SERPINB5: variants seen among roughly 807,000 people sequenced by gnomAD.
SERPINB5 encodes serpin family B member 5.
In SERPINB5, 27 loss-of-function variants were observed where a neutral mutation model predicts 32.2. The observed-to-expected ratio is 0.84, with a 90% CI of 0.62 to 1.16. The LOEUF (loss-of-function observed/expected upper bound fraction) is 1.16. Ranked by LOEUF, SERPINB5 falls within the 50% of genes most tolerant of loss-of-function variation. SERPINB5 has a pLI of 0.00. For missense variants in SERPINB5, 388 were observed against 436.3 expected, an observed-to-expected ratio of 0.89 and a Z score of 0.99; for synonymous variants, 154 against 157.4, an observed-to-expected ratio of 0.98 and a Z score of 0.16.
chr18:63,489,421 A>C lies in SERPINB5; in HGVS notation c.381A>C (p.Glu127Asp), dbSNP rs200364734. Reference sequence around the variant, plus strand: ...TTGACTTCAAAGATAAATTGGAAGAAACGAAAGGTCAGATCAACAACTCAA... The same window carrying C: ...TTGACTTCAAAGATAAATTGGAAGACACGAAAGGTCAGATCAACAACTCAA... ...ETVDFKDKLEETKGQINNSIK... is the reference protein window; with the variant it reads ...ETVDFKDKLEDTKGQINNSIK... The change falls in exon 4 of 7, where the codon GAA (glutamate) becomes GAC (aspartate). Residue 127 changes from glutamate to aspartate, a missense_variant. Glu to Asp is a conservative substitution (Grantham distance 45, BLOSUM62 2). Transcript: ENST00000382771. The C allele has an allele frequency of 6.2e-7, 1 of 1,613,442 alleles. No homozygotes were observed. Among genetic ancestry groups the C allele is most frequent in the African/African-American group, 1.3e-5 (1 of 75,026 alleles).
intron 5 of SERPINB5, among the ~76,000 whole-genome samples, chr18:63,495,773 A>G (rs1909434078): frequency 1.3e-5 from 2 of 152,238 alleles, no homozygotes; most frequent in African/African-American, 4.8e-5. Context: ...CAGAATTAAT[A>G]AAAGTTTGAA....
chr18:63,496,967 C>T (rs1344028694), intron 5 of SERPINB5: 2 of 478,270 alleles, frequency 4.2e-6, no homozygotes, highest in Non-Finnish European at 8.2e-6. Context: ...AGACCAAGGG[C>T]TAAAGTTGGG....
chr18:63,485,551 T>A (rs1917196879), intron 2 of SERPINB5: 1 of 152,192 alleles, frequency 6.6e-6, no homozygotes, highest in Non-Finnish European at 1.5e-5. Context: ...GAAGAGGAGA[T>A]GTATCTTGAC....
intron 4 of SERPINB5, among the ~76,000 whole-genome samples, chr18:63,492,106 A>G (rs759464487): frequency 1.3e-5 from 2 of 152,210 alleles, no homozygotes; most frequent in Non-Finnish European, 2.9e-5. Context: ...TAGGTGAATG[A>G]AAACCCTTTA....
chr18:63,497,809 G>T (rs531943701), intron 5 of SERPINB5, among the ~76,000 whole-genome samples: 1 of 152,212 alleles, frequency 6.6e-6, no homozygotes, highest in South Asian at 2.1e-4. Context: ...TTCCTCCCCA[G>T]TGGTAACCAT....
At position 63,489,484 on chromosome 18, in the gene SERPINB5, T is replaced by C. The variant is rs1917267445; in HGVS notation, c.424+20T>C. The C allele has an allele frequency of 2.1e-6, 3 of 1,402,208 alleles. No individual in the cohort carries two copies. The South Asian group carries it at 3.6e-5, about 17-fold the overall frequency. The allele number at this position is 1,402,208 out of a possible 1,614,324, so 86.9% of individuals were successfully genotyped here. On this transcript the variant is annotated intron_variant, in intron 4 of 6. Transcript: ENST00000382771. ...CAGATGGCAAGTACCCTTTAATTGT[T>C]CTGCTATCAATCACCAAGTAAACAG...
intron 2 of SERPINB5, chr18:63,485,591 C>CCA (rs1659747404): frequency 6.6e-6 from 1 of 152,208 alleles, no homozygotes. Context: ...CTGCGCAACT[C>CCA]CACTATCCCT....
rs557124029 is a variant in SERPINB5, at chr18:63,501,532, G to C, written c.736-1798G>C. Among the ~76,000 whole-genome samples the C allele has an allele frequency of 3.3e-5, 5 of 152,308 alleles. No homozygotes were observed. In the East Asian group the frequency reaches 9.6e-4, roughly 29 times the overall value. ...TGTGCATGTGTCTTTATAGCAGCAT[G>C]ATTTATAATCCTTTGAGTATACACC... On this transcript the variant is annotated intron_variant, in intron 6 of 6. Coordinates refer to ENST00000382771, the MANE Select transcript of SERPINB5 (RefSeq NM_002639.5).
chr18:63,490,655 C>G (rs903947693), intron 4 of SERPINB5: 8 of 152,154 alleles, frequency 5.3e-5, no homozygotes, highest in Non-Finnish European at 8.8e-5. Flanking sequence ...TCTAACAGGA[C>G]AGTAACTGCA....
chr18:63,479,419 G>A (rs1175372908), intron 1 of SERPINB5, among the ~76,000 whole-genome samples: 1 of 152,092 alleles, frequency 6.6e-6, no homozygotes, highest in Non-Finnish European at 1.5e-5. Flanking sequence ...AAGTGAGCAC[G>A]GCCCTACCCC....
At chr18:63,479,836 A>C (rs7228629) in intron 1 of SERPINB5, among the ~76,000 whole-genome samples, 97,546 of 152,042 alleles carry the variant, frequency 0.64, 31,433 homozygotes, top group Middle Eastern at 0.71. Flanking sequence ...GGCTTCTTCA[A>C]GTAGGAAAAT....
intron 5 of SERPINB5, chr18:63,493,309 C>A: frequency 1.6e-6 from 1 of 633,780 alleles, no homozygotes; most frequent in Middle Eastern, 4.1e-4. Context: ...CTTCAAGGAT[C>A]TGAGCTGAGT....
chr18:63,503,304 A>G, intron 6 of SERPINB5, 26 bp from the exon 7 acceptor site: 6 of 1,587,142 alleles, frequency 3.8e-6, no homozygotes, highest in Non-Finnish European at 5.1e-6. Flanking sequence ...AAATAAAAAT[A>G]ATTTCTTTTC....
intron 4 of SERPINB5, among the ~76,000 whole-genome samples, chr18:63,490,997 A>G (rs1445741993): frequency 6.6e-6 from 1 of 152,258 alleles, no homozygotes; most frequent in South Asian, 2.1e-4. Context: ...CCCCCACCCC[A>G]CAAAGTCCAT....
intron 5 of SERPINB5, 51 bp from the exon 6 acceptor site, chr18:63,499,069 T>TATATA: frequency 2.7e-5 from 18 of 661,186 alleles, no homozygotes; most frequent in East Asian, 4.0e-5. Context: ...ATATATATAT[T>TATATA]TATGCATGTG....
At chr18:63,486,739 C>T (rs1023225924) in intron 2 of SERPINB5, 1 of 444,282 alleles carries the variant, frequency 2.3e-6, no homozygotes, top group Non-Finnish European at 4.0e-6. Flanking sequence ...AGCGATGCTG[C>T]TAAGCATCCT....
intron 5 of SERPINB5, among the ~76,000 whole-genome samples, chr18:63,494,781 T>A (rs1204750441): frequency 6.6e-6 from 1 of 152,188 alleles, no homozygotes; most frequent in Non-Finnish European, 1.5e-5. Flanking sequence ...TTTTCCACAG[T>A]GAAATCTGTT....
intron 5 of SERPINB5, among the ~76,000 whole-genome samples, chr18:63,495,314 G>T (rs1414692848): frequency 5.9e-5 from 9 of 152,190 alleles, no homozygotes; most frequent in African/African-American, 2.2e-4. Context: ...CTTTTATCTG[G>T]AGTGGAAGTG....
intron 4 of SERPINB5, among the ~76,000 whole-genome samples, chr18:63,491,827 CTGTCGT>C (rs1387836281): frequency 1.3e-5 from 2 of 152,246 alleles, no homozygotes; most frequent in African/African-American, 4.8e-5. Context: ...AGTTGAAGCT[CTGTCGT>C]TTACCGGCTC....
Sources: allele counts gnomAD v4.1 joint callset (sites outside exome capture counted in the v4.1 genomes callset), GRCh38; gene constraint gnomAD v4.1.1; transcripts MANE v1.5; gene names NCBI Gene and HGNC (gene_info 2026-07-23, HGNC 2026-07-21).